CACNA2D1: variants seen among roughly 807,000 people sequenced by gnomAD.
CACNA2D1 encodes the protein voltage-dependent calcium channel subunit alpha-2/delta-1.
CACNA2D1 carries 53 observed loss-of-function variants against 171.5 expected under a neutral mutation model. That is an observed-to-expected ratio of 0.31 (90% confidence interval 0.25 to 0.39). The LOEUF is 0.39. CACNA2D1 is among the 10% of genes least tolerant of loss of function. The pLI, the probability that CACNA2D1 is intolerant of heterozygous loss-of-function variation, is 1.00. For synonymous variants in CACNA2D1, 442 were observed against 443.1 expected (o/e 1.00, Z 0.03); for missense variants, 903 against 1,299.8 (o/e 0.69, Z 4.69).
At chr7:82,373,132 C>T (rs1822598998) in intron 1 of CACNA2D1, among the ~76,000 whole-genome samples, 1 of 152,008 alleles carries the variant, frequency 6.6e-6, no homozygotes, top group Non-Finnish European at 1.5e-5. Context: ...TGCAGTGAAC[C>T]AAGATCATGC....
At chr7:82,339,947 G>C (rs889933336) in intron 2 of CACNA2D1, among the ~76,000 whole-genome samples, 17 of 152,146 alleles carry the variant, frequency 1.1e-4, no homozygotes, top group Non-Finnish European at 2.9e-5. Context: ...AATCACAAAG[G>C]TCCTTAAAAA....
chr7:82,435,455 A>G (rs1250576164), intron 1 of CACNA2D1, among the ~76,000 whole-genome samples: 1 of 152,096 alleles, frequency 6.6e-6, no homozygotes, highest in Non-Finnish European at 1.5e-5. Context: ...TGTGTTCTCT[A>G]GCCTACAAAA....
At chr7:82,421,783 G>A (rs879381991) in intron 1 of CACNA2D1, among the ~76,000 whole-genome samples, 3 of 152,142 alleles carry the variant, frequency 2.0e-5, no homozygotes, top group Non-Finnish European at 4.4e-5. Flanking sequence ...CATTGCAAAT[G>A]AGGATGGTCA....
Position 81,991,236 on chromosome 7 carries a change from T to C in CACNA2D1, c.1745A>G (p.Asp582Gly). ...CCATGTGTATGTCCTGTTTCCTTTG[T>C]CAATATATCTCTAGAAAGAAGTTTA... Reference protein sequence around the residue: ...LVKSQDERYIDKGNRTYTWTP... With the variant: ...LVKSQDERYIGKGNRTYTWTP... Residue 582 changes from aspartate (D) to glycine (G), a missense_variant, in exon 21 of 39, where the codon GAC (aspartate) becomes GGC (glycine). Around this residue, in one of 5 missense-constraint regions of CACNA2D1, gnomAD observed 623 missense variants for 925.5 expected, o/e 0.67. Transcript: ENST00000356860. 1 of 1,503,676 alleles carries C rather than the reference T, an allele frequency of 6.7e-7. No homozygotes were observed. The highest frequency in any genetic ancestry group is 9.3e-7 in the Non-Finnish European group (1 of 1,079,790). The allele number at this position is 1,503,676 out of a possible 1,614,324, so 93.1% of individuals were successfully genotyped here.
rs908845357 is a variant in CACNA2D1 at position 82,136,729 on chromosome 7, A to G, written c.355-53T>C. ...ATTTTAATAAAAACAATACTGTATC[A>G]AATACTGAATACATTTTATGCATAT... is the stretch of plus-strand genomic sequence containing the variant. On this transcript the variant is annotated intron_variant, in intron 4 of 38. Transcript: ENST00000356860. 6 of 1,175,656 alleles carry G rather than the reference A, an allele frequency of 5.1e-6. No individual in the cohort carries two copies. The Admixed American group carries it at 8.2e-5, about 16-fold the overall frequency. The allele number at this position is 1,175,656 out of a possible 1,614,324, so 72.8% of individuals were successfully genotyped here.
At chr7:82,380,112 A>G (rs564116457) in intron 1 of CACNA2D1, among the ~76,000 whole-genome samples, 1 of 152,306 alleles carries the variant, frequency 6.6e-6, no homozygotes, top group South Asian at 2.1e-4. Context: ...TTTTCAAACT[A>G]TAATTGTCTC....
intron 12 of CACNA2D1, among the ~76,000 whole-genome samples, chr7:82,015,528 T>C (rs1051372981): frequency 2.0e-5 from 3 of 152,154 alleles, no homozygotes; most frequent in African/African-American, 7.2e-5. Flanking sequence ...GTAAATTCCA[T>C]GAGGTCAACC....
At chr7:82,244,697 C>T (rs1804704234) in intron 3 of CACNA2D1, among the ~76,000 whole-genome samples, 1 of 151,984 alleles carries the variant, frequency 6.6e-6, no homozygotes, top group South Asian at 2.1e-4. Context: ...AATCACCACA[C>T]AAAAACAGGT....
At chr7:82,174,458 C>T (rs549107623) in intron 3 of CACNA2D1, among the ~76,000 whole-genome samples, 1 of 152,126 alleles carries the variant, frequency 6.6e-6, no homozygotes, top group Admixed American at 6.6e-5. Context: ...TACATCCCTA[C>T]CTACTTATTG....
At chr7:82,080,020 G>T (rs1352312855) in intron 7 of CACNA2D1, among the ~76,000 whole-genome samples, 1 of 149,640 alleles carries the variant, frequency 6.7e-6, no homozygotes, top group Non-Finnish European at 1.5e-5. Context: ...ATTATTATGG[G>T]TACATAATAC....
intron 4 of CACNA2D1, among the ~76,000 whole-genome samples, chr7:82,159,399 G>A (rs113526095): frequency 0.016 from 2,467 of 151,856 alleles, 32 homozygotes; most frequent in Non-Finnish European, 0.024. Flanking sequence ...AAGTTTCCAA[G>A]CTACCTCAGC....
intron 12 of CACNA2D1, among the ~76,000 whole-genome samples, chr7:82,014,911 C>T (rs955387982): frequency 2.0e-5 from 3 of 151,974 alleles, no homozygotes; most frequent in Admixed American, 6.6e-5. Context: ...AAAAATTAGC[C>T]GGGCCTTATG....
At chr7:82,256,539 G>T (rs1261451350) in intron 3 of CACNA2D1, among the ~76,000 whole-genome samples, 1 of 152,158 alleles carries the variant, frequency 6.6e-6, no homozygotes, top group Non-Finnish European at 1.5e-5. Context: ...TGCCTACATG[G>T]TGTAGGAAAA....
intron 7 of CACNA2D1, among the ~76,000 whole-genome samples, chr7:82,069,029 A>G (rs943323641): frequency 2.0e-5 from 3 of 152,142 alleles, no homozygotes; most frequent in African/African-American, 4.8e-5. Flanking sequence ...TTTCTGAGAT[A>G]TTTACTCTTA....
At chr7:82,144,169 T>C (rs1015550592) in intron 4 of CACNA2D1, among the ~76,000 whole-genome samples, 1 of 147,750 alleles carries the variant, frequency 6.8e-6, no homozygotes, top group Non-Finnish European at 1.5e-5. Flanking sequence ...GTTGGCTTCT[T>C]GGTGATAGGA....
intron 1 of CACNA2D1, among the ~76,000 whole-genome samples, chr7:82,428,323 C>A (rs1386157747): frequency 6.7e-6 from 1 of 149,918 alleles, no homozygotes; most frequent in Non-Finnish European, 1.5e-5. Context: ...GAGCAAACAG[C>A]CATCTTCAGC....
At chr7:82,149,523 C>T (rs1793541632) in intron 4 of CACNA2D1, among the ~76,000 whole-genome samples, 1 of 152,022 alleles carries the variant, frequency 6.6e-6, no homozygotes, top group Admixed American at 6.6e-5. Flanking sequence ...AATGAGGAGG[C>T]TCAGGTAGTA....
chr7:82,140,361 A>T (rs1792223055), intron 4 of CACNA2D1, among the ~76,000 whole-genome samples: 1 of 152,208 alleles, frequency 6.6e-6, no homozygotes, highest in African/African-American at 2.4e-5. Context: ...GAGCATTTTT[A>T]CAAACCTCAT....
At chr7:82,335,597 A>G (rs1672447164) in intron 2 of CACNA2D1, among the ~76,000 whole-genome samples, 1 of 152,138 alleles carries the variant, frequency 6.6e-6, no homozygotes, top group African/African-American at 2.4e-5. Context: ...CATCCTAGAC[A>G]ACAGAAGGCG....
Sources: gnomAD v4.1 joint callset for allele counts (sites outside exome capture counted in the v4.1 genomes callset) on GRCh38, gnomAD v4.1.1 for gene constraint, gnomAD v4.1.1 regional missense constraint, MANE v1.5 for transcripts, NCBI Gene and HGNC (gene_info 2026-07-23, HGNC 2026-07-21) for gene names.